The following ZFHX3 variants were observed in gnomAD, a reference collection of about 807,000 sequenced individuals.
ZFHX3 encodes zinc finger homeobox 3.
Under a neutral mutation model 279.1 loss-of-function variants are expected in ZFHX3, and 42 were observed. The observed-to-expected ratio is 0.15, with a 90% CI of 0.12 to 0.19. The LOEUF (loss-of-function observed/expected upper bound fraction) is 0.19. ZFHX3 is among the 10% of genes least tolerant of loss of function. The probability of loss-of-function intolerance (pLI) is 1.00; values close to 1 mark genes in which losing one functional copy is unlikely to be tolerated. For missense variants in ZFHX3, 4,981 were observed against 4,754.0 expected (o/e 1.05, Z -1.40); for synonymous variants, 2,293 against 1,957.8 (o/e 1.17, Z -4.52).
chr16:73,202,935 C>T lies in ZFHX3; in HGVS notation c.-1104+54112G>A, dbSNP rs545261144. Among the ~76,000 whole-genome samples, 47 of 142,932 alleles carry T rather than the reference C, an allele frequency of 3.3e-4. No homozygotes were observed. The East Asian group carries it at 6.1e-3, about 19-fold the overall frequency. 93.8% of individuals were successfully genotyped at this position (142,932 alleles called of 152,430 possible). A position where few individuals can be genotyped will look rare whatever the true frequency, so the allele number is the denominator to read the frequency against. ...TTTTTTTTTTTTTTTTTTGCCTCCA[C>T]GCCTTGACATAACTTTTTTTTTTCT... is the stretch of plus-strand genomic sequence containing the variant. On this transcript the variant is annotated intron_variant, in intron 5 of 17. Transcript: ENST00000641206.
At chr16:73,341,700 C>T (rs183762356) in intron 3 of ZFHX3, among the ~76,000 whole-genome samples, 2 of 152,156 alleles carry the variant, frequency 1.3e-5, no homozygotes, top group East Asian at 1.9e-4. Context: ...ATAAATTCCA[C>T]AGATAAATGG....
At chr16:72,802,470 C>G (rs2036134663) in intron 7 of ZFHX3, among the ~76,000 whole-genome samples, 1 of 152,178 alleles carries the variant, frequency 6.6e-6, no homozygotes, top group South Asian at 2.1e-4. Flanking sequence ...GCCTCCAAAC[C>G]TGTAAGTCTT....
intron 5 of ZFHX3, among the ~76,000 whole-genome samples, chr16:72,813,194 A>G (rs968950149): frequency 1.6e-4 from 24 of 152,244 alleles, no homozygotes; most frequent in Non-Finnish European, 2.9e-4. Context: ...AAAAAGTAAT[A>G]AAAGTGGTAG....
intron 2 of ZFHX3, among the ~76,000 whole-genome samples, chr16:73,499,005 T>G (rs1241340386): frequency 6.6e-6 from 1 of 152,216 alleles, no homozygotes; most frequent in Admixed American, 6.5e-5. Context: ...GTGTGAACTA[T>G]GTGTTTATGA....
chr16:73,578,547 C>T (rs2051824905), intron 2 of ZFHX3, among the ~76,000 whole-genome samples: 1 of 151,996 alleles, frequency 6.6e-6, no homozygotes, highest in Admixed American at 6.6e-5. Context: ...TTCTTCCAAG[C>T]TTATATTCAA....
intron 2 of ZFHX3, among the ~76,000 whole-genome samples, chr16:73,564,823 A>G (rs1191247414): frequency 6.6e-6 from 1 of 152,242 alleles, no homozygotes; most frequent in African/African-American, 2.4e-5. Flanking sequence ...TGTCATCTCC[A>G]CGTCATGTTC....
At chr16:72,992,262 G>A (rs566741419) in intron 1 of ZFHX3, among the ~76,000 whole-genome samples, 54 of 152,238 alleles carry the variant, frequency 3.5e-4, no homozygotes, top group African/African-American at 1.2e-3. Context: ...CAGCCTCTCT[G>A]ACCTCTGCAG....
chr16:73,048,635 C>G (rs1038970179), upstream of ZFHX3, among the ~76,000 whole-genome samples: 4 of 152,374 alleles, frequency 2.6e-5, no homozygotes, highest in African/African-American at 9.6e-5. Flanking sequence ...GGCCTCCGAA[C>G]CGGAGCCATC....
At chr16:73,647,552 T>C (rs2052631685) in intron 2 of ZFHX3, among the ~76,000 whole-genome samples, 1 of 152,194 alleles carries the variant, frequency 6.6e-6, no homozygotes, top group Non-Finnish European at 1.5e-5. Flanking sequence ...CTCCCAGTCA[T>C]GCTTCCTGTT....
intron 3 of ZFHX3, among the ~76,000 whole-genome samples, chr16:73,441,033 T>C (rs2018084357): frequency 6.6e-6 from 1 of 152,210 alleles, no homozygotes; most frequent in African/African-American, 2.4e-5. Flanking sequence ...CATGCCCTGA[T>C]TTCTTTTAAG....
intron 1 of ZFHX3, among the ~76,000 whole-genome samples, chr16:73,687,336 G>A (rs577866725): frequency 6.6e-6 from 1 of 150,578 alleles, no homozygotes; most frequent in East Asian, 2.0e-4. Flanking sequence ...AGGCTGCAGT[G>A]AGCACCACCG....
intron 4 of ZFHX3, among the ~76,000 whole-genome samples, chr16:72,872,553 G>C (rs1391206284): frequency 1.3e-5 from 2 of 152,158 alleles, no homozygotes; most frequent in African/African-American, 4.8e-5. Context: ...CGTCTCCCGG[G>C]TTCAAGCAAT....
chr16:73,610,030 G>A (rs1276702070), intron 2 of ZFHX3: 2 of 152,120 alleles, frequency 1.3e-5, no homozygotes, highest in Non-Finnish European at 2.9e-5. Flanking sequence ...GTAGAGTTGA[G>A]ATTTCAAACG....
chr16:72,850,896 G>C (rs1022183897), intron 4 of ZFHX3, among the ~76,000 whole-genome samples: 5 of 152,096 alleles, frequency 3.3e-5, no homozygotes, highest in African/African-American at 1.2e-4. Context: ...CTCAAGGGGA[G>C]GGGGTGCAAG....
chr16:73,427,127 G>C (rs529141150), intron 3 of ZFHX3, among the ~76,000 whole-genome samples: 1 of 152,216 alleles, frequency 6.6e-6, no homozygotes, highest in East Asian at 1.9e-4. Context: ...AGAAGAACAA[G>C]CCAAAGGAAA....
intron 2 of ZFHX3, among the ~76,000 whole-genome samples, chr16:73,636,328 C>G (rs1050005071): frequency 4.6e-5 from 7 of 152,060 alleles, no homozygotes; most frequent in Admixed American, 4.6e-4. Context: ...TGATGAAACC[C>G]TGGCAACAAA....
chr16:73,057,115 GT>G (rs1965572488), intron 1 of ZFHX3, among the ~76,000 whole-genome samples: 1 of 152,164 alleles, frequency 6.6e-6, no homozygotes, highest in African/African-American at 2.4e-5. Context: ...CTTAGATCAA[GT>G]TTCAATAATT....
At position 73,662,865 on chromosome 16, in the gene ZFHX3, G is replaced by A. The variant is rs569434472; in HGVS notation, c.-1547+17315C>T. On this transcript the variant is annotated intron_variant, in intron 2 of 17. Coordinates refer to the ZFHX3 transcript ENST00000641206. ...AAGCAAAGGGGAAGTGGGCGGGGGA[G>A]AAGGGGTGAGGAGGCAGAGGCCAAC... Among the ~76,000 whole-genome samples the A allele has an allele frequency of 3.5e-3, 526 of 152,242 alleles. 4 individuals are homozygous for A. Among genetic ancestry groups the A allele is most frequent in the Non-Finnish European group, 4.5e-3 (306 of 68,022 alleles).
At chr16:73,239,900 C>T (rs138347239) in intron 5 of ZFHX3, among the ~76,000 whole-genome samples, 10 of 152,266 alleles carry the variant, frequency 6.6e-5, no homozygotes, top group Admixed American at 4.6e-4. Context: ...ACCGAACCAT[C>T]GCTCCTAGGG....
Sources: gnomAD v4.1 joint callset for allele counts (sites outside exome capture counted in the v4.1 genomes callset) on GRCh38, gnomAD v4.1.1 for gene constraint, MANE v1.5 for transcripts, NCBI Gene and HGNC (gene_info 2026-07-23, HGNC 2026-07-21) for gene names.